Variants in SNTG1 observed in about 807,000 individuals in gnomAD.
The protein encoded by SNTG1 is gamma-1-syntrophin.
SNTG1 carries 39 observed loss-of-function variants against 74.7 expected under a neutral mutation model. That is an observed-to-expected ratio of 0.52 (90% CI 0.40 to 0.68). The LOEUF is 0.68. Ranked by LOEUF, SNTG1 falls within the 30% of genes least tolerant of loss-of-function variation. SNTG1 has a pLI of 0.00. For synonymous variants in SNTG1, 254 were observed against 217.1 expected (o/e 1.17, Z -1.49); for missense variants, 685 against 609.5 (o/e 1.12, Z -1.30).
rs551538152 is a variant in SNTG1 at position 50,551,079 on chromosome 8, G to A, written c.681-1971G>A. On this transcript the variant is annotated intron_variant, in intron 11 of 18. Coordinates refer to ENST00000642720, the MANE Select transcript of SNTG1 (RefSeq NM_018967.5). ...AGAAAATACTTGTTAAATCTGTATG[G>A]TAAATTGTTCTCACTTTAGATGAAA... Among the ~76,000 whole-genome samples the A allele has an allele frequency of 3.3e-4, 50 of 152,108 alleles. No homozygotes were observed. The South Asian group carries it at 1.0e-2, about 30-fold the overall frequency.
At chr8:50,145,922 C>G (rs1338768534) in intron 1 of SNTG1, among the ~76,000 whole-genome samples, 1 of 149,886 alleles carries the variant, frequency 6.7e-6, no homozygotes, top group African/African-American at 2.4e-5. Context: ...ATATAGATGA[C>G]TTGAACTATC....
chr8:50,543,910 G>A (rs907961989), intron 11 of SNTG1, among the ~76,000 whole-genome samples: 6 of 151,960 alleles, frequency 3.9e-5, no homozygotes, highest in African/African-American at 1.4e-4. Context: ...CTGTGGCCTT[G>A]ATTTGCATAT....
intron 2 of SNTG1, among the ~76,000 whole-genome samples, chr8:50,323,567 G>A (rs959991439): frequency 3.9e-5 from 6 of 152,284 alleles, no homozygotes; most frequent in Non-Finnish European, 7.4e-5. Flanking sequence ...GGAGGTCTTG[G>A]AAAAGATCCA....
chr8:50,605,404 C>A (rs1424178020), intron 13 of SNTG1, among the ~76,000 whole-genome samples: 1 of 152,142 alleles, frequency 6.6e-6, no homozygotes, highest in Non-Finnish European at 1.5e-5. Flanking sequence ...GTGAGGCTTG[C>A]CAAAACTCAA....
chr8:50,092,405 TAC>T (rs2079773419), intron 1 of SNTG1, among the ~76,000 whole-genome samples: 1 of 152,152 alleles, frequency 6.6e-6, no homozygotes, highest in African/African-American at 2.4e-5. Flanking sequence ...CTCTGAAGTC[TAC>T]AGATGTGTTT....
chr8:50,283,779 A>G lies in SNTG1; in HGVS notation c.-27-110433A>G, dbSNP rs541253375. 2.6e-5 allele frequency among the ~76,000 whole-genome samples: 4 copies of G among 152,308 alleles called. No individual in the cohort carries two copies. The East Asian group carries it at 7.7e-4, about 29-fold the overall frequency. ...AAGTTGTGGTTTTCTTGATGTAGGC[A>G]TAATATGATACTCTGGGATCACACA... On this transcript the variant is annotated intron_variant, in intron 2 of 18. Transcript: ENST00000642720.
rs146950681 is a variant in SNTG1 at position 50,170,073 on chromosome 8, T to C, written c.-102-2488T>C. ...CCTTTTTGCTCTTCATATTTGCACC[T>C]GGGGCTGTGAGAGTGGTACTTTGGA... On this transcript the variant is annotated intron_variant, in intron 1 of 18. Coordinates refer to ENST00000642720, the MANE Select transcript of SNTG1 (RefSeq NM_018967.5). Among the ~76,000 whole-genome samples the C allele has an allele frequency of 2.1e-3, 324 of 152,294 alleles. 3 individuals carry two copies. Among genetic ancestry groups the C allele is most frequent in the African/African-American group, 7.2e-3 (300 of 41,560 alleles).
At chr8:50,703,662 A>G (rs1399413073) in intron 15 of SNTG1, among the ~76,000 whole-genome samples, 1 of 152,174 alleles carries the variant, frequency 6.6e-6, no homozygotes, top group Non-Finnish European at 1.5e-5. Flanking sequence ...CATTATTATT[A>G]TGTAGCATAC....
chr8:50,440,034 T>A (rs138953104), intron 5 of SNTG1, among the ~76,000 whole-genome samples: 25 of 151,754 alleles, frequency 1.6e-4, no homozygotes, highest in African/African-American at 5.3e-4. Context: ...TCAATAATTT[T>A]TCTAAATAAA....
At chr8:50,135,789 T>A (rs930188633) in intron 1 of SNTG1, among the ~76,000 whole-genome samples, 1 of 152,194 alleles carries the variant, frequency 6.6e-6, no homozygotes, top group African/African-American at 2.4e-5. Flanking sequence ...TTTAGTTTAG[T>A]TTACTACATT....
At chr8:49,965,136 G>A (rs1811028639) in intron 1 of SNTG1, among the ~76,000 whole-genome samples, 1 of 151,962 alleles carries the variant, frequency 6.6e-6, no homozygotes, top group East Asian at 1.9e-4. Context: ...TATTAAATTG[G>A]CATGATTTAG....
intron 1 of SNTG1, among the ~76,000 whole-genome samples, chr8:50,051,401 T>C (rs1263993635): frequency 6.6e-6 from 1 of 152,144 alleles, no homozygotes; most frequent in East Asian, 1.9e-4. Flanking sequence ...ACTGTTCCAT[T>C]GACAGCAGCA....
At chr8:50,114,216 T>C (rs1430841986) in intron 1 of SNTG1, among the ~76,000 whole-genome samples, 1 of 152,176 alleles carries the variant, frequency 6.6e-6, no homozygotes, top group Non-Finnish European at 1.5e-5. Context: ...GTTGGAATTA[T>C]TTTAGACAAT....
chr8:50,011,077 A>T (rs993889305), intron 1 of SNTG1, among the ~76,000 whole-genome samples: 2 of 152,104 alleles, frequency 1.3e-5, no homozygotes, highest in African/African-American at 2.4e-5. Context: ...GACTACATAT[A>T]TGCTTGTGAC....
At chr8:49,942,829 C>G (rs76739067) in intron 1 of SNTG1, among the ~76,000 whole-genome samples, 1 of 152,186 alleles carries the variant, frequency 6.6e-6, no homozygotes, top group East Asian at 1.9e-4. Context: ...ACTTCAGTCA[C>G]TTGGCTGGGG....
At chr8:50,725,154 T>C (rs971051951) in intron 17 of SNTG1, among the ~76,000 whole-genome samples, 7 of 152,168 alleles carry the variant, frequency 4.6e-5, no homozygotes, top group African/African-American at 1.7e-4. Flanking sequence ...CTTCTCCATC[T>C]AAATATATTA....
intron 2 of SNTG1, among the ~76,000 whole-genome samples, chr8:50,193,648 T>C (rs1345758119): frequency 6.6e-6 from 1 of 152,152 alleles, no homozygotes; most frequent in Non-Finnish European, 1.5e-5. Flanking sequence ...TTTGCCAATG[T>C]GGATGCCCTT....
chr8:50,459,514 T>A (rs985039829), intron 8 of SNTG1, among the ~76,000 whole-genome samples: 1 of 152,202 alleles, frequency 6.6e-6, no homozygotes, highest in African/African-American at 2.4e-5. Context: ...CAAAATGATA[T>A]ACATTTTTTC....
At chr8:49,939,384 T>G (rs1808473561) in intron 1 of SNTG1, among the ~76,000 whole-genome samples, 1 of 152,238 alleles carries the variant, frequency 6.6e-6, no homozygotes, top group Non-Finnish European at 1.5e-5. Context: ...TTTAATTGAA[T>G]AAGACCCTTG....
Sources: gnomAD v4.1 joint callset for allele counts (sites outside exome capture counted in the v4.1 genomes callset) on GRCh38, gnomAD v4.1.1 for gene constraint, MANE v1.5 for transcripts, NCBI Gene and HGNC (gene_info 2026-07-23, HGNC 2026-07-21) for gene names.